The following MLLT3 variants were observed in gnomAD, a reference collection of about 807,000 sequenced individuals.
The protein encoded by MLLT3 is protein AF-9.
In MLLT3, 4 loss-of-function variants were observed where a neutral mutation model predicts 53.2. That is an observed-to-expected ratio of 0.08 (90% CI 0.04 to 0.17). MLLT3 has a LOEUF of 0.17. Ranked by LOEUF, MLLT3 falls within the 10% of genes least tolerant of loss-of-function variation. The pLI, the probability that MLLT3 is intolerant of heterozygous loss-of-function variation, is 1.00. For missense variants in MLLT3, 569 were observed against 684.0 expected (o/e 0.83, Z 1.87); for synonymous variants, 283 against 230.6 (o/e 1.23, Z -2.06).
At chr9:20,451,849 T>C (rs984547590) in intron 3 of MLLT3, among the ~76,000 whole-genome samples, 1 of 152,234 alleles carries the variant, frequency 6.6e-6, no homozygotes, top group African/African-American at 2.4e-5. Context: ...AAATTGATTA[T>C]GTTTCAGTGT....
At chr9:20,589,198 A>G (rs1363317162) in intron 2 of MLLT3, among the ~76,000 whole-genome samples, 3 of 150,628 alleles carry the variant, frequency 2.0e-5, no homozygotes, top group African/African-American at 7.3e-5. Flanking sequence ...ATGTCCAACA[A>G]TGATAGACTG....
At position 20,344,931 on chromosome 9, in the gene MLLT3, G is replaced by A. The variant is rs1820827206; in HGVS notation, c.*1512C>T. 4.7e-6 allele frequency: 1 copy of A among 214,664 alleles called. No individual in the cohort carries two copies. Among genetic ancestry groups the A allele is most frequent in the Non-Finnish European group, 9.4e-6 (1 of 106,444 alleles). The allele number at this position is 214,664 out of a possible 1,614,324, so 13.3% of individuals were successfully genotyped here. A position where few individuals can be genotyped will look rare whatever the true frequency, so the allele number is the denominator to read the frequency against. ...AAGGCTGATCCAGTGACGAACCTTT[G>A]GATCCAGAAGTATTTCTTCATTTCT... On this transcript the variant is annotated 3_prime_UTR_variant, in exon 11 of 11. Transcript: ENST00000380338.
chr9:20,463,458 C>T (rs941762796), intron 2 of MLLT3, among the ~76,000 whole-genome samples: 4 of 152,036 alleles, frequency 2.6e-5, no homozygotes, highest in South Asian at 4.1e-4. Flanking sequence ...CTTCAAGGAA[C>T]GTATAACAAA....
intron 5 of MLLT3, among the ~76,000 whole-genome samples, chr9:20,395,912 T>C (rs1168413751): frequency 1.3e-5 from 2 of 152,122 alleles, no homozygotes; most frequent in Non-Finnish European, 2.9e-5. Flanking sequence ...AAGGAAACCA[T>C]CGGTAACAAC....
At chr9:20,515,725 T>C (rs988198008) in intron 2 of MLLT3, among the ~76,000 whole-genome samples, 2 of 152,072 alleles carry the variant, frequency 1.3e-5, no homozygotes, top group Non-Finnish European at 1.5e-5. Flanking sequence ...ATGGCAACCA[T>C]AGTAAGTGGC....
At chr9:20,510,339 G>A (rs756799129) in intron 2 of MLLT3, among the ~76,000 whole-genome samples, 2 of 152,154 alleles carry the variant, frequency 1.3e-5, no homozygotes, top group South Asian at 2.1e-4. Flanking sequence ...GCCGCCAGGC[G>A]CGGTGGCTCA....
At chr9:20,380,038 C>T (rs1426146725) in intron 5 of MLLT3, among the ~76,000 whole-genome samples, 3 of 152,030 alleles carry the variant, frequency 2.0e-5, no homozygotes, top group Non-Finnish European at 4.4e-5. Context: ...ATTCTTGTTA[C>T]TTCAGGCTAT....
intron 5 of MLLT3, among the ~76,000 whole-genome samples, chr9:20,390,041 C>T (rs1205808043): frequency 1.3e-5 from 2 of 152,000 alleles, no homozygotes; most frequent in Non-Finnish European, 2.9e-5. Flanking sequence ...ATGGAAGTTC[C>T]TAAAATGGAA....
intron 4 of MLLT3, among the ~76,000 whole-genome samples, chr9:20,422,797 A>C (rs1321955944): frequency 6.6e-6 from 1 of 152,176 alleles, no homozygotes; most frequent in Non-Finnish European, 1.5e-5. Flanking sequence ...AATATTAACT[A>C]ATCACTTTAG....
intron 4 of MLLT3, among the ~76,000 whole-genome samples, chr9:20,430,512 T>G (rs940886298): frequency 6.6e-6 from 1 of 152,142 alleles, no homozygotes; most frequent in Non-Finnish European, 1.5e-5. Flanking sequence ...GGATCATTGA[T>G]AAAAGCATAG....
intron 2 of MLLT3, among the ~76,000 whole-genome samples, chr9:20,506,155 A>G (rs528317546): frequency 6.6e-6 from 1 of 151,996 alleles, no homozygotes; most frequent in South Asian, 2.1e-4. Context: ...CCCAGGTTCA[A>G]GCAATTCTCC....
rs1466171879 is a variant in MLLT3, at chr9:20,620,287, ACACACACG to A, written c.193+359_193+366del. ...CACACACACACACACACACACACAC[ACACACACG>A]CGCAAAGTGTTTATTCCCTCCAGCC... On this transcript the variant is annotated intron_variant, in intron 2 of 10. Coordinates refer to ENST00000380338, the MANE Select transcript of MLLT3 (RefSeq NM_004529.4). The surrounding 1 kb of genome is among the most constrained non-coding windows in gnomAD (Gnocchi z 6.1). 1.2e-4 allele frequency among the ~76,000 whole-genome samples: 17 copies of A among 138,558 alleles called. No individual in the cohort carries two copies. Among genetic ancestry groups the A allele is most frequent in the African/African-American group, 4.8e-4 (17 of 35,196 alleles). 90.9% of individuals were successfully genotyped at this position (138,558 alleles called of 152,430 possible). A position where few individuals can be genotyped will look rare whatever the true frequency, so the allele number is the denominator to read the frequency against.
intron 2 of MLLT3, among the ~76,000 whole-genome samples, chr9:20,525,047 G>A (rs1444893812): frequency 6.6e-6 from 1 of 151,228 alleles, no homozygotes; most frequent in Non-Finnish European, 1.5e-5. Flanking sequence ...AAGAGGGAAG[G>A]GGAAGAAAGG....
At chr9:20,577,582 C>T (rs1157545394) in intron 2 of MLLT3, among the ~76,000 whole-genome samples, 1 of 152,112 alleles carries the variant, frequency 6.6e-6, no homozygotes, top group Admixed American at 6.5e-5. Flanking sequence ...ACCAATATAC[C>T]AACCACTTGG....
At chr9:20,504,483 T>C (rs944784263) in intron 2 of MLLT3, among the ~76,000 whole-genome samples, 2 of 151,918 alleles carry the variant, frequency 1.3e-5, no homozygotes, top group African/African-American at 4.8e-5. Flanking sequence ...TTAAGAGAAA[T>C]AGGCCAGACA....
chr9:20,620,562 G>C lies in MLLT3; in HGVS notation c.193+92C>G, dbSNP rs191307599. ...GAGGCTACGCCGGCGAGCGCGGCGC[G>C]GGGGGCGGGGAGCGGGACAGCGGGA... On this transcript the variant is annotated intron_variant, in intron 2 of 10. Coordinates refer to ENST00000380338, the MANE Select transcript of MLLT3 (RefSeq NM_004529.4). This position sits in a 1 kb window ranked among gnomAD's most constrained non-coding sequence, Gnocchi z 6.1. The C allele has an allele frequency of 2.8e-5, 32 of 1,159,282 alleles. No homozygotes were observed. In the South Asian group the frequency reaches 4.6e-4, roughly 17 times the overall value. 71.8% of individuals were successfully genotyped at this position (1,159,282 alleles called of 1,614,324 possible). A position where few individuals can be genotyped will look rare whatever the true frequency, so the allele number is the denominator to read the frequency against.
chr9:20,490,979 C>T (rs1824933973), intron 2 of MLLT3, among the ~76,000 whole-genome samples: 1 of 152,002 alleles, frequency 6.6e-6, no homozygotes, highest in South Asian at 2.1e-4. Context: ...TGGAATTTGA[C>T]TAAATTTCAC....
intron 3 of MLLT3, 91 bp downstream of exon 3, chr9:20,456,613 A>G (rs1823977444): frequency 1.1e-6 from 1 of 897,052 alleles, no homozygotes. Context: ...TCATCTAGTG[A>G]CAGAAGTGCT....
chr9:20,448,112 G>C lies in MLLT3; in HGVS notation c.420+11C>G. 1 of 1,605,472 alleles carries C rather than the reference G, an allele frequency of 6.2e-7. No individual in the cohort carries two copies. On this transcript the variant is annotated intron_variant, in intron 4 of 10. Coordinates refer to ENST00000380338, the MANE Select transcript of MLLT3 (RefSeq NM_004529.4). The surrounding 1 kb of genome is among the most constrained non-coding windows in gnomAD (Gnocchi z 4.0). Reference sequence around the variant, plus strand: ...TAATAGGAATGCTTTTCACAAGAGAGTGCCACTTACCCCTCCTGCCTTCAG... The same window carrying C: ...TAATAGGAATGCTTTTCACAAGAGACTGCCACTTACCCCTCCTGCCTTCAG...
Sources: gnomAD v4.1 joint callset for allele counts (sites outside exome capture counted in the v4.1 genomes callset) on GRCh38, gnomAD v4.1.1 for gene constraint, Gnocchi (gnomAD v3.1) non-coding constraint, MANE v1.5 for transcripts, NCBI Gene and HGNC (gene_info 2026-07-23, HGNC 2026-07-21) for gene names.